The following BRWD1 variants were observed in gnomAD, a reference collection of about 807,000 sequenced individuals.
The protein encoded by BRWD1 is bromodomain and WD repeat domain containing 1.
A neutral mutation model predicts 251.2 loss-of-function variants in BRWD1; 82 were observed. The ratio of observed to expected loss-of-function variants is 0.33; its 90% CI spans 0.27 to 0.39. The LOEUF (loss-of-function observed/expected upper bound fraction) is 0.39, where lower values mean the gene tolerates loss of function less well. BRWD1 is among the 10% of genes least tolerant of loss of function. The probability of loss-of-function intolerance (pLI) is 1.00; values close to 1 mark genes in which losing one functional copy is unlikely to be tolerated. For synonymous variants in BRWD1, 918 were observed against 902.8 expected, an observed-to-expected ratio of 1.02 and a Z score of -0.30; for missense variants, 2,233 against 2,711.6, an observed-to-expected ratio of 0.82 and a Z score of 3.92.
chr21:39,227,723 C>T (rs1019192114), intron 27 of BRWD1, among the ~76,000 whole-genome samples: 10 of 152,040 alleles, frequency 6.6e-5, no homozygotes, highest in South Asian at 2.1e-4. Flanking sequence ...TTTAAGTCTA[C>T]GTTGTTATGA....
chr21:39,237,704 C>T (rs2033857680), intron 22 of BRWD1, among the ~76,000 whole-genome samples: 1 of 152,024 alleles, frequency 6.6e-6, no homozygotes, highest in Admixed American at 6.6e-5. Flanking sequence ...ATAGAATTTC[C>T]GTTTTGCAAG....
At chr21:39,281,154 T>C (rs994881168) in intron 8 of BRWD1, among the ~76,000 whole-genome samples, 1 of 152,138 alleles carries the variant, frequency 6.6e-6, no homozygotes, top group Non-Finnish European at 1.5e-5. Context: ...GGTAAATGAA[T>C]AGAGAATCTG....
At chr21:39,259,589 G>GCTCA (rs1568925282) in intron 17 of BRWD1, among the ~76,000 whole-genome samples, 1 of 152,118 alleles carries the variant, frequency 6.6e-6, no homozygotes, top group African/African-American at 2.4e-5. Context: ...GGGCGTGGTG[G>GCTCA]CTCACATCTG....
Position 39,298,512 on chromosome 21 carries a change from T to A in BRWD1, c.269A>T (p.Asp90Val). 2 of 1,611,496 alleles carry A rather than the reference T, an allele frequency of 1.2e-6. No individual in the cohort carries two copies. The highest frequency in any genetic ancestry group is 1.3e-5 in the African/African-American group (1 of 74,884). Residue 90 changes from aspartate (D) to valine (V), a missense_variant, in exon 5 of 41, where the codon GAT becomes GTT. Asp to Val is a radical substitution (Grantham distance 152, BLOSUM62 -3). This residue lies in a region of BRWD1 where 185 missense variants were observed against 260.6 expected (regional missense o/e 0.71). Transcript: ENST00000342449. ...QICQRIGPMLDKEIPPSISRV... is the reference protein window; with the variant it reads ...QICQRIGPMLVKEIPPSISRV... The stretch of plus-strand genomic sequence containing the variant: ...TGAAATACTGGGTGGAATTTCTTTA[T>A]CCAACATAGGACCGATGCGCTGGCA...
At chr21:39,261,963 TG>T (rs1253991945) in intron 17 of BRWD1, among the ~76,000 whole-genome samples, 5 of 152,286 alleles carry the variant, frequency 3.3e-5, no homozygotes, top group East Asian at 1.9e-4. Flanking sequence ...ACAGATCAGC[TG>T]GAAGAACTGA....
Position 39,188,649 on chromosome 21 carries a change from G to C in BRWD1, c.*7610C>G. 7 of 985,362 alleles carry C rather than the reference G, an allele frequency of 7.1e-6. No homozygotes were observed. The highest frequency in any genetic ancestry group is 8.4e-6 in the Non-Finnish European group (7 of 829,902). The allele number at this position is 985,362 out of a possible 1,614,324, so 61.0% of individuals were successfully genotyped here. A position where few individuals can be genotyped will look rare whatever the true frequency, so the allele number is the denominator to read the frequency against. On this transcript the variant is annotated 3_prime_UTR_variant, in exon 41 of 41. Coordinates refer to ENST00000342449, the MANE Select transcript of BRWD1 (RefSeq NM_033656.4). Reference sequence around the variant, plus strand: ...TTCATACAGCTAGACTAATGAGGCAGGCCTCTGCCCTCACAGTGCAAGCAC... The same window carrying C: ...TTCATACAGCTAGACTAATGAGGCACGCCTCTGCCCTCACAGTGCAAGCAC...
chr21:39,264,727 A>C (rs1288610238), intron 16 of BRWD1, 42 bp from the exon 17 acceptor site: 1 of 1,519,408 alleles, frequency 6.6e-7, no homozygotes, highest in East Asian at 2.3e-5. Context: ...TAAGGTTCAC[A>C]CATTTTAAAG....
chr21:39,196,684 T>C lies in BRWD1; in HGVS notation c.6385A>G (p.Lys2129Glu), dbSNP rs373127669. 2.5e-6 allele frequency: 4 copies of C among 1,613,848 alleles called. No individual in the cohort carries two copies. In the Admixed American group the frequency reaches 5.0e-5, roughly 20 times the overall value. Residue 2129 changes from lysine to glutamate, a missense_variant, in exon 41 of 41, where the codon AAG becomes GAG. Lys to Glu is a moderately conservative substitution (Grantham distance 56). This residue lies in a region of BRWD1 where 928 missense variants were observed against 970.0 expected (regional missense o/e 0.96). Transcript: ENST00000342449. ...QETAEKEVKRKRSHPELENVK... is the reference protein window; with the variant it reads ...QETAEKEVKRERSHPELENVK... Reference sequence around the variant, plus strand: ...TTTTCCAATTCAGGATGCGATCTCTTCCTTTTTACTTCCTTCTCTGCTGTT... The same window carrying C: ...TTTTCCAATTCAGGATGCGATCTCTCCCTTTTTACTTCCTTCTCTGCTGTT...
At chr21:39,313,137 G>A (rs1223849128) in intron 2 of BRWD1, 36 bp from the exon 3 acceptor site, 1 of 1,488,296 alleles carries the variant, frequency 6.7e-7, no homozygotes, top group African/African-American at 1.5e-5. Context: ...GGGTGGGGTC[G>A]GGCCCGGGGC....
upstream of BRWD1, chr21:39,314,972 A>G (rs1601529467): frequency 1.3e-5 from 2 of 152,314 alleles, no homozygotes; most frequent in South Asian, 2.1e-4. Flanking sequence ...AGCACCGTGT[A>G]CAAGTTGGCT....
chr21:39,269,407 A>C (rs1252678976), intron 15 of BRWD1, among the ~76,000 whole-genome samples: 1 of 151,882 alleles, frequency 6.6e-6, no homozygotes, highest in Non-Finnish European at 1.5e-5. Context: ...GGCTCAAGCA[A>C]TCCTCCTGTC....
intron 33 of BRWD1, 145 bp downstream of exon 33, chr21:39,213,336 A>G: frequency 1.4e-6 from 1 of 699,902 alleles, no homozygotes; most frequent in African/African-American, 1.8e-5. Context: ...ATCATCTAGA[A>G]AATTCAAAAA....
intron 31 of BRWD1, chr21:39,216,886 G>A (rs1197269933): frequency 1.6e-5 from 3 of 182,216 alleles, no homozygotes; most frequent in South Asian, 1.1e-4. Context: ...CATCACCCAC[G>A]TATTAAGCCT....
At position 39,193,768 on chromosome 21, in the gene BRWD1, C is replaced by G. The variant is rs1159522316; in HGVS notation, c.*2491G>C. 5.1e-6 allele frequency: 5 copies of G among 985,372 alleles called. No homozygotes were observed. The highest frequency in any genetic ancestry group is 6.0e-6 in the Non-Finnish European group (5 of 829,640). 61.0% of individuals were successfully genotyped at this position (985,372 alleles called of 1,614,324 possible). ...TTAAAGTACACCTGTGCATTAAATC[C>G]CTGGGCATTTTGCATAACGTAGAAA... On this transcript the variant is annotated 3_prime_UTR_variant, in exon 41 of 41. Transcript: ENST00000342449.
chr21:39,248,197 G>A (rs555946079), intron 20 of BRWD1, among the ~76,000 whole-genome samples: 1 of 152,216 alleles, frequency 6.6e-6, no homozygotes, highest in African/African-American at 2.4e-5. Flanking sequence ...ACTTCTCAAG[G>A]AATTTCTCAC....
Position 39,197,002 on chromosome 21 carries a change from T to A in BRWD1, c.6067A>T (p.Met2023Leu), listed in dbSNP as rs772388073. The A allele has an allele frequency of 1.4e-5, 23 of 1,613,984 alleles. No individual in the cohort carries two copies. The highest frequency in any genetic ancestry group is 1.9e-5 in the Non-Finnish European group (23 of 1,179,968). The change falls in exon 41 of 41, where the codon ATG (methionine) becomes TTG (leucine). Residue 2023 changes from methionine (M) to leucine (L), a missense_variant. By Grantham distance (15) the Met-to-Leu change is conservative (BLOSUM62 2). Around this residue, in one of 12 missense-constraint regions of BRWD1, gnomAD observed 928 missense variants for 970.0 expected, o/e 0.96. Coordinates refer to ENST00000342449, the MANE Select transcript of BRWD1 (RefSeq NM_033656.4). ...ALNGDSDSED[M>L]LNSEHKHRHT... is the part of the protein sequence containing the mutation. ...CTGTGCTTGTGTTCTGAATTCAACATATCTTCAGAGTCTGAGTCTCCATTT... is the reference window on the plus strand; with the variant it reads ...CTGTGCTTGTGTTCTGAATTCAACAAATCTTCAGAGTCTGAGTCTCCATTT...
rs771236216 is a variant in BRWD1, at chr21:39,210,065, A to C, written c.4127T>G (p.Leu1376Trp). The C allele has an allele frequency of 1.2e-6, 2 of 1,613,650 alleles. No individual in the cohort carries two copies. Among genetic ancestry groups the C allele is most frequent in the East Asian group, 2.2e-5 (1 of 44,806 alleles). The part of the protein sequence containing the change: ...TLDAGNYDSP[L>W]EFCKDIRLIF... ...CAGCCGGATGTCTTTGCAAAACTCC[A>C]AAGGGCTGTCATAATTTCCCGCATC... The change falls in exon 36 of 41, where the codon TTG becomes TGG. Residue 1376 changes from leucine (L) to tryptophan (W), a missense_variant. Physicochemically the swap from Leu to Trp is moderately conservative, Grantham distance 61 (BLOSUM62 -2). Around this residue, in one of 12 missense-constraint regions of BRWD1, gnomAD observed 69 missense variants for 101.6 expected, o/e 0.68. Transcript: ENST00000342449.
intron 4 of BRWD1, among the ~76,000 whole-genome samples, chr21:39,299,177 C>T (rs1220947915): frequency 6.6e-5 from 10 of 151,656 alleles, no homozygotes; most frequent in Non-Finnish European, 1.3e-4. Flanking sequence ...GAGCTGGGAT[C>T]GTGCCATTGC....
chr21:39,269,238 T>C (rs145029870), intron 15 of BRWD1, among the ~76,000 whole-genome samples: 398 of 147,398 alleles, frequency 2.7e-3, no homozygotes, highest in African/African-American at 9.4e-3. Flanking sequence ...AATATACATA[T>C]GCAAAAAAAA....
Sources: allele counts gnomAD v4.1 joint callset (sites outside exome capture counted in the v4.1 genomes callset), GRCh38; gene constraint gnomAD v4.1.1; regional missense constraint gnomAD v4.1.1; transcripts MANE v1.5; gene names NCBI Gene and HGNC (gene_info 2026-07-23, HGNC 2026-07-21).